Variants in RBFOX1 observed in about 807,000 individuals in gnomAD.
RBFOX1 encodes RNA binding protein fox-1 homolog 1.
In RBFOX1, 8 loss-of-function variants were observed where a neutral mutation model predicts 57.7. The observed-to-expected ratio is 0.14, with a 90% confidence interval of 0.08 to 0.25. The LOEUF is 0.25. RBFOX1 is among the 10% of genes least tolerant of loss of function. The pLI, the probability that RBFOX1 is intolerant of heterozygous loss-of-function variation, is 1.00. For missense variants in RBFOX1, 611 were observed against 548.5 expected (o/e 1.11, Z -1.14); for synonymous variants, 326 against 222.4 (o/e 1.47, Z -4.15).
intron 3 of RBFOX1, among the ~76,000 whole-genome samples, chr16:6,994,769 A>G (rs529874896): frequency 2.0e-5 from 3 of 152,328 alleles, no homozygotes; most frequent in Admixed American, 1.3e-4. Flanking sequence ...TATGCTTGAA[A>G]CATTTATATA....
intron 2 of RBFOX1, among the ~76,000 whole-genome samples, chr16:6,494,857 C>G (rs2095721811): frequency 6.6e-6 from 1 of 152,160 alleles, no homozygotes; most frequent in Non-Finnish European, 1.5e-5. Context: ...GCACTAAATG[C>G]AGAGAATAGC....
intron 4 of RBFOX1, among the ~76,000 whole-genome samples, chr16:7,054,959 T>A (rs2051608830): frequency 6.6e-6 from 1 of 152,216 alleles, no homozygotes; most frequent in Non-Finnish European, 1.5e-5. Flanking sequence ...CCATCGAGGC[T>A]GTGTAGGAAT....
intron 2 of RBFOX1, among the ~76,000 whole-genome samples, chr16:6,517,532 C>A (rs1045878407): frequency 6.6e-6 from 1 of 152,034 alleles, no homozygotes; most frequent in Non-Finnish European, 1.5e-5. Flanking sequence ...CCTACACTGC[C>A]GAAGTGGGAG....
rs76696249 is a variant in RBFOX1 at position 6,761,974 on chromosome 16, G to A, written c.-16+107324G>A. On this transcript the variant is annotated intron_variant, in intron 3 of 15. Transcript: ENST00000550418. ...TTTTGTTCAACCACAGCCCACTTAT[G>A]CCTGCCTTCTCACGTGCCGCTCAAG... Among the ~76,000 whole-genome samples, 3,300 of 152,118 alleles carry A rather than the reference G, an allele frequency of 0.022. 257 individuals are homozygous for A. The East Asian group carries it at 0.27, about 13-fold the overall frequency.
At chr16:7,488,463 C>T (rs1384384870) in intron 4 of RBFOX1, among the ~76,000 whole-genome samples, 2 of 151,882 alleles carry the variant, frequency 1.3e-5, no homozygotes, top group African/African-American at 4.9e-5. Flanking sequence ...ATCATTCTAT[C>T]ACTCTGTACA....
intron 3 of RBFOX1, among the ~76,000 whole-genome samples, chr16:6,873,506 C>G (rs992069961): frequency 1.3e-5 from 2 of 152,122 alleles, no homozygotes; most frequent in Non-Finnish European, 2.9e-5. Flanking sequence ...AAGGCTATGA[C>G]AGTGGATTAT....
intron 3 of RBFOX1, among the ~76,000 whole-genome samples, chr16:5,624,722 C>T (rs1406121341): frequency 6.6e-6 from 1 of 152,266 alleles, no homozygotes; most frequent in African/African-American, 2.4e-5. Flanking sequence ...CTGGCTTGGA[C>T]ACAGCCACCA....
chr16:5,791,242 C>T (rs914549626), intron 3 of RBFOX1, among the ~76,000 whole-genome samples: 1 of 152,186 alleles, frequency 6.6e-6, no homozygotes, highest in African/African-American at 2.4e-5. Context: ...ATTCACTAAA[C>T]TGTAGCCAAC....
At chr16:5,366,075 A>T (rs1449303439) in intron 1 of RBFOX1, 16 of 472,962 alleles carry the variant, frequency 3.4e-5, no homozygotes, top group Middle Eastern at 1.6e-3. Context: ...CTTTGAAATC[A>T]TACCACCAGT....
At chr16:5,382,427 T>G (rs963500075) in intron 1 of RBFOX1, among the ~76,000 whole-genome samples, 2 of 152,134 alleles carry the variant, frequency 1.3e-5, no homozygotes, top group East Asian at 3.9e-4. Context: ...GCCAACACTA[T>G]TTTTAAGTAT....
chr16:6,857,517 A>C (rs944900510), intron 3 of RBFOX1, among the ~76,000 whole-genome samples: 18 of 152,268 alleles, frequency 1.2e-4, no homozygotes, highest in African/African-American at 4.1e-4. Flanking sequence ...TTAAATTTCA[A>C]AATTACTATT....
chr16:7,427,209 A>T (rs985826838), intron 4 of RBFOX1, among the ~76,000 whole-genome samples: 13 of 152,210 alleles, frequency 8.5e-5, no homozygotes, highest in Non-Finnish European at 1.5e-4. Context: ...GCACATGTAT[A>T]CATATGTAAC....
At chr16:7,553,701 A>G (rs1601669479) in intron 5 of RBFOX1, among the ~76,000 whole-genome samples, 1 of 152,204 alleles carries the variant, frequency 6.6e-6, no homozygotes, top group East Asian at 1.9e-4. Context: ...ACCCCCAGCT[A>G]CAAGGGAGTG....
At chr16:6,957,239 C>G (rs1378079633) in intron 3 of RBFOX1, among the ~76,000 whole-genome samples, 2 of 151,766 alleles carry the variant, frequency 1.3e-5, no homozygotes, top group Non-Finnish European at 2.9e-5. Flanking sequence ...TCACGCCATT[C>G]TCCTGCCTCA....
chr16:6,557,802 G>A (rs1358053576), intron 2 of RBFOX1, among the ~76,000 whole-genome samples: 3 of 152,140 alleles, frequency 2.0e-5, no homozygotes, highest in African/African-American at 7.2e-5. Flanking sequence ...TTATTTCGTG[G>A]TGCAGGACAA....
At chr16:7,686,071 A>T (rs530306379) in intron 14 of RBFOX1, among the ~76,000 whole-genome samples, 3 of 152,028 alleles carry the variant, frequency 2.0e-5, no homozygotes, top group Non-Finnish European at 4.4e-5. Flanking sequence ...TGGTTGTGAG[A>T]ATCCATTGCT....
intron 9 of RBFOX1, among the ~76,000 whole-genome samples, chr16:7,600,399 A>G (rs1362035344): frequency 6.6e-6 from 1 of 152,220 alleles, no homozygotes; most frequent in African/African-American, 2.4e-5. Flanking sequence ...ACTCAGGAGT[A>G]TCACCACTAC....
At chr16:7,565,387 C>T (rs1476843119) in intron 5 of RBFOX1, among the ~76,000 whole-genome samples, 1 of 152,080 alleles carries the variant, frequency 6.6e-6, no homozygotes, top group Non-Finnish European at 1.5e-5. Context: ...ATCAGGTTTA[C>T]AAATCAAATC....
intron 4 of RBFOX1, among the ~76,000 whole-genome samples, chr16:7,160,631 GAT>G (rs1217223957): frequency 6.6e-6 from 1 of 152,064 alleles, no homozygotes; most frequent in Non-Finnish European, 1.5e-5. Context: ...TTTTCAGTAT[GAT>G]TTACACTGTC....
Sources: allele counts gnomAD v4.1 joint callset (sites outside exome capture counted in the v4.1 genomes callset), GRCh38; gene constraint gnomAD v4.1.1; transcripts MANE v1.5; gene names NCBI Gene and HGNC (gene_info 2026-07-23, HGNC 2026-07-21).